GABRA3: variants seen among roughly 807,000 people sequenced by gnomAD.
GABRA3 encodes gamma-aminobutyric acid type A receptor subunit alpha3.
A neutral mutation model predicts 30.1 loss-of-function variants in GABRA3; 10 were observed. The observed-to-expected ratio is 0.33, with a 90% CI of 0.20 to 0.56. GABRA3 has a LOEUF of 0.56. GABRA3 is among the 20% of genes least tolerant of loss of function. The probability of loss-of-function intolerance (pLI) is 0.89; values close to 1 mark genes in which losing one functional copy is unlikely to be tolerated. For missense variants in GABRA3, 233 were observed against 392.0 expected (o/e 0.59, Z 3.42); for synonymous variants, 151 against 146.8 (o/e 1.03, Z -0.21).
At chrX:152,230,538 A>C (rs887289241) in intron 5 of GABRA3, among the ~76,000 whole-genome samples, 1 of 111,325 alleles carries the variant, frequency 9.0e-6, no homozygotes, top group Admixed American at 9.7e-5. Context: ...TTTCAAAAAA[A>C]ATCATGAGTA....
intron 3 of GABRA3, among the ~76,000 whole-genome samples, chrX:152,338,098 T>A (rs947935180): frequency 8.9e-6 from 1 of 111,768 alleles, no homozygotes; most frequent in African/African-American, 3.3e-5. Context: ...GTTTTCTGAA[T>A]AATCGCCACC....
At chrX:152,423,781 T>C (rs1193449154) in intron 1 of GABRA3, among the ~76,000 whole-genome samples, 1 of 110,770 alleles carries the variant, frequency 9.0e-6, no homozygotes, top group East Asian at 2.9e-4. Flanking sequence ...AAATACAAAA[T>C]TGAAGAAAGG....
At chrX:152,195,350 C>T (rs951891568) in intron 8 of GABRA3, among the ~76,000 whole-genome samples, 2 of 112,022 alleles carry the variant, frequency 1.8e-5, no homozygotes, top group African/African-American at 6.5e-5. Context: ...GCATTGAAAG[C>T]GTAACTGTTC....
intron 3 of GABRA3, among the ~76,000 whole-genome samples, chrX:152,323,033 A>G (rs1254161057): frequency 9.3e-6 from 1 of 107,145 alleles, no homozygotes; most frequent in Non-Finnish European, 1.9e-5. Flanking sequence ...TTGTATTTTT[A>G]GTAGAGACGG....
rs1938192351 is a variant in GABRA3 at position 152,235,842 on chromosome X, G to T, written c.552-10997C>A. Among the ~76,000 whole-genome samples the T allele has an allele frequency of 2.8e-5, 3 of 108,703 alleles. No homozygotes were observed. The South Asian group carries it at 1.2e-3, about 42-fold the overall frequency. The allele number at this position is 108,703 out of a possible 115,157, so 94.4% of individuals were successfully genotyped here. A position where few individuals can be genotyped will look rare whatever the true frequency, so the allele number is the denominator to read the frequency against. ...AAAAAATTCAATGACATTTTTCACA[G>T]AAATAGAAAGAAATCATAAAATTTG... On this transcript the variant is annotated intron_variant, in intron 5 of 9. Coordinates refer to ENST00000370314, the MANE Select transcript of GABRA3 (RefSeq NM_000808.4).
chrX:152,364,436 A>G lies in GABRA3; in HGVS notation c.135T>C (p.Ile45=). 8.3e-7 allele frequency: 1 copy of G among 1,208,788 alleles called. No individual in the cohort carries two copies. Among genetic ancestry groups the G allele is most frequent in the Non-Finnish European group, 1.1e-6 (1 of 893,963 alleles). ...QEPGDFVKQD[I]GGLSPKHAPD... ...TAAGAGTTAGGGGTTCTTACCCGCC[A>G]ATGTCCTGCTTCACAAAGTCCCCGG... is the stretch of plus-strand genomic sequence containing the variant. The change falls in exon 2 of 10, where the codon ATT becomes ATC. Residue 45 remains isoleucine, a synonymous_variant. Transcript: ENST00000370314.
intron 1 of GABRA3, among the ~76,000 whole-genome samples, chrX:152,375,866 C>G (rs1928983994): frequency 8.9e-6 from 1 of 112,043 alleles, no homozygotes; most frequent in East Asian, 2.8e-4. Flanking sequence ...TATATTCTTT[C>G]AGTACAAAGT....
intron 1 of GABRA3, among the ~76,000 whole-genome samples, chrX:152,426,829 G>A (rs1930526316): frequency 9.0e-6 from 1 of 111,712 alleles, no homozygotes; most frequent in South Asian, 3.7e-4. Flanking sequence ...CAAATTTTCA[G>A]ATACAACAAT....
chrX:152,364,676 G>C (rs1928606364), intron 1 of GABRA3, 80 bp from the exon 2 acceptor site: 1 of 715,934 alleles, frequency 1.4e-6, no homozygotes. Flanking sequence ...AGGTAAAAAA[G>C]AGAGAAAGAG....
chrX:152,337,213 C>T (rs1006723524), intron 3 of GABRA3, among the ~76,000 whole-genome samples: 7 of 111,722 alleles, frequency 6.3e-5, no homozygotes, highest in Non-Finnish European at 1.1e-4. Context: ...TGTGCTAGAA[C>T]CATTCAAATT....
chrX:152,236,075 T>C (rs1938202166), intron 5 of GABRA3, among the ~76,000 whole-genome samples: 1 of 94,915 alleles, frequency 1.1e-5, no homozygotes. Flanking sequence ...ACATGTGCCA[T>C]GCTGGTGCGC....
At chrX:152,446,900 A>G (rs1350191899) in intron 1 of GABRA3, among the ~76,000 whole-genome samples, 3 of 111,823 alleles carry the variant, frequency 2.7e-5, no homozygotes, top group East Asian at 2.8e-4. Flanking sequence ...CACATCCCAC[A>G]TAAGTATTTC....
chrX:152,345,574 G>A lies in GABRA3; in HGVS notation c.262+7C>T, dbSNP rs1234784202. The A allele has an allele frequency of 8.3e-7, 1 of 1,198,887 alleles. No individual in the cohort carries two copies. The highest frequency in any genetic ancestry group is 1.1e-6 in the Non-Finnish European group (1 of 891,544). The stretch of plus-strand genomic sequence containing the variant: ...AAAAGGACTTCAAAGATCTTAAAAG[G>A]ACTGACCTCCAAGCCCAGGTCGCAG... On this transcript the variant is annotated splice_region_variant and intron_variant, in intron 3 of 9. Transcript: ENST00000370314.
chrX:152,413,232 TA>T (rs1215905622), intron 1 of GABRA3, among the ~76,000 whole-genome samples: 10 of 106,021 alleles, frequency 9.4e-5, no homozygotes, highest in South Asian at 4.1e-4. Flanking sequence ...TACCATATAT[TA>T]AAAAAAAAAT....
At chrX:152,255,446 T>C (rs919342743) in intron 5 of GABRA3, among the ~76,000 whole-genome samples, 2 of 111,858 alleles carry the variant, frequency 1.8e-5, no homozygotes, top group Non-Finnish European at 3.8e-5. Context: ...TGTATGTTTT[T>C]GTGAATCTGT....
intron 4 of GABRA3, among the ~76,000 whole-genome samples, chrX:152,265,859 A>G (rs1029566999): frequency 1.8e-5 from 2 of 111,538 alleles, no homozygotes; most frequent in African/African-American, 6.5e-5. Flanking sequence ...GAGAGCAACT[A>G]TTTGCCAATA....
intron 3 of GABRA3, among the ~76,000 whole-genome samples, chrX:152,337,916 T>C (rs1169555338): frequency 8.9e-6 from 1 of 112,567 alleles, no homozygotes; most frequent in Non-Finnish European, 1.9e-5. Flanking sequence ...ATATACCACA[T>C]TTTCTTTATC....
chrX:152,442,074 C>T (rs1930945497), intron 1 of GABRA3, among the ~76,000 whole-genome samples: 1 of 110,706 alleles, frequency 9.0e-6, no homozygotes, highest in Non-Finnish European at 1.9e-5. Flanking sequence ...CTATATATAT[C>T]ACAAATAATT....
intron 1 of GABRA3, among the ~76,000 whole-genome samples, chrX:152,385,948 CTA>C (rs1929294058): frequency 9.1e-6 from 1 of 110,380 alleles, no homozygotes; most frequent in African/African-American, 3.3e-5. Flanking sequence ...TTCCATTGAT[CTA>C]TATCTCTGTT....
Sources: gnomAD v4.1 joint callset for allele counts (sites outside exome capture counted in the v4.1 genomes callset) on GRCh38, gnomAD v4.1.1 for gene constraint, MANE v1.5 for transcripts, NCBI Gene and HGNC (gene_info 2026-07-23, HGNC 2026-07-21) for gene names.